The following CAPN7 variants were observed in gnomAD, a reference collection of about 807,000 sequenced individuals.
The protein encoded by CAPN7 is calpain 7, also known as calpain-7.
A neutral mutation model predicts 115.2 loss-of-function variants in CAPN7; 72 were observed. The ratio of observed to expected loss-of-function variants is 0.63; its 90% CI spans 0.52 to 0.76. The LOEUF (loss-of-function observed/expected upper bound fraction) is 0.76. Among genes scored for constraint, CAPN7 ranks in the 30% least tolerant of loss-of-function variants. CAPN7 has a pLI of 0.00. For synonymous variants in CAPN7, 344 were observed against 322.3 expected (o/e 1.07, Z -0.72); for missense variants, 905 against 971.5 (o/e 0.93, Z 0.91).
At position 15,209,985 on chromosome 3, in the gene CAPN7, G is replaced by A. The variant is rs150390893; in HGVS notation, c.103-2119G>A. ...AATGAGTAAAATAAAATTGACACCA[G>A]CAGTTTTTTAAATTGGCTTTATTTT... is the stretch of plus-strand genomic sequence containing the variant. On this transcript the variant is annotated intron_variant, in intron 1 of 20. Transcript: ENST00000253693. 1.6e-3 allele frequency among the ~76,000 whole-genome samples: 241 copies of A among 152,250 alleles called. 1 individual carries two copies. The highest frequency in any genetic ancestry group is 5.7e-3 in the African/African-American group (235 of 41,554).
At chr3:15,212,362 T>C in intron 2 of CAPN7, 150 bp downstream of exon 2, 1 of 530,248 alleles carries the variant, frequency 1.9e-6, no homozygotes, top group Non-Finnish European at 3.4e-6. Flanking sequence ...ATCACCTCTT[T>C]AAAAGTCATT....
chr3:15,211,154 G>T (rs957456145), intron 1 of CAPN7, among the ~76,000 whole-genome samples: 9 of 152,122 alleles, frequency 5.9e-5, no homozygotes, highest in African/African-American at 1.9e-4. Flanking sequence ...AGTATTTTCT[G>T]TGGAGAAAAC....
At chr3:15,230,970 T>C (rs1434595590) in intron 9 of CAPN7, among the ~76,000 whole-genome samples, 2 of 152,148 alleles carry the variant, frequency 1.3e-5, no homozygotes, top group African/African-American at 4.8e-5. Context: ...TTCACACAAA[T>C]TTCTTTAAGG....
At chr3:15,219,506 C>A (rs1693837363) in intron 4 of CAPN7, among the ~76,000 whole-genome samples, 1 of 152,146 alleles carries the variant, frequency 6.6e-6, no homozygotes, top group African/African-American at 2.4e-5. Context: ...CAGTTGTCTT[C>A]TCTATCTTGA....
In CAPN7 at chr3:15,218,531, C is replaced by T; in HGVS notation, c.428C>T (p.Ala143Val). Residue 143 changes from alanine (A) to valine (V), a missense_variant, in exon 4 of 21, where the codon GCA (alanine) becomes GTA (valine). Ala to Val is a moderately conservative substitution (Grantham distance 64). Transcript: ENST00000253693. ...QNKLKQLARQ[A>V]LDRAEALSEP... Reference sequence around the variant, plus strand: ...AAACTGAAACAGTTGGCTCGACAGGCACTAGACAGGTGAGTTTGATCTCTC... The same window carrying T: ...AAACTGAAACAGTTGGCTCGACAGGTACTAGACAGGTGAGTTTGATCTCTC... The T allele has an allele frequency of 6.2e-7, 1 of 1,612,028 alleles. No homozygotes were observed.
intron 15 of CAPN7, 86 bp downstream of exon 15, chr3:15,241,674 C>A: frequency 8.7e-7 from 1 of 1,147,540 alleles, no homozygotes; most frequent in Non-Finnish European, 1.2e-6. Context: ...AAACACCAGC[C>A]TGTTTAATTT....
intron 11 of CAPN7, among the ~76,000 whole-genome samples, 185 bp from the exon 12 acceptor site, chr3:15,234,840 A>G (rs1409654646): frequency 4.1e-5 from 6 of 144,650 alleles, no homozygotes; most frequent in Non-Finnish European, 8.8e-5. Context: ...CAGAAACTTA[A>G]AAAAAGAGAA....
chr3:15,216,783 T>G (rs1175542309), intron 2 of CAPN7, among the ~76,000 whole-genome samples: 1 of 152,208 alleles, frequency 6.6e-6, no homozygotes, highest in Non-Finnish European at 1.5e-5. Flanking sequence ...GGAGAATGCC[T>G]GTGTTTCAAT....
chr3:15,247,306 T>G (rs1695723179), intron 18 of CAPN7, 21 bp from the exon 19 acceptor site: 2 of 1,506,000 alleles, frequency 1.3e-6, no homozygotes. Flanking sequence ...TTGTTAATAC[T>G]AAAACTTTTG....
Position 15,220,913 on chromosome 3 carries a change from A to T in CAPN7, c.570A>T (p.Ser190=). 1 of 1,614,206 alleles carries T rather than the reference A, an allele frequency of 6.2e-7. No homozygotes were observed. The highest frequency in any genetic ancestry group is 8.5e-7 in the Non-Finnish European group (1 of 1,180,022). ...ATCCCTTCCTTGAAAGACCTCAGTC[A>T]TTTATAAGTCCTCAGTCATGTGATG... ...GANPFLERPQ[S]FISPQSCDAQ... The change falls in exon 5 of 21, where the codon TCA becomes TCT. Residue 190 remains serine (S), a synonymous_variant. Coordinates refer to ENST00000253693, the MANE Select transcript of CAPN7 (RefSeq NM_014296.3).
rs868037263 is a variant in CAPN7, at chr3:15,206,536, C to T, written c.41C>T (p.Ala14Val). 1 of 1,556,440 alleles carries T rather than the reference C, an allele frequency of 6.4e-7. No homozygotes were observed. The change falls in exon 1 of 21, where the codon GCC becomes GTC. Residue 14 changes from alanine (A) to valine (V), a missense_variant. Physicochemically the swap from Ala to Val is moderately conservative, Grantham distance 64 (BLOSUM62 0). Transcript: ENST00000253693. ...CTGGAGCGGGACGCTGTGCAGTTCG[C>T]CCGTCTGGCGGTTCAGCGCGACCAC... is the stretch of plus-strand genomic sequence containing the variant. ...TALERDAVQFARLAVQRDHEG... is the reference protein window; with the variant it reads ...TALERDAVQFVRLAVQRDHEG...
chr3:15,246,777 T>TGGTCTC lies in CAPN7; in HGVS notation c.2056_2057insGGTCTC (p.Tyr686delinsTrpSerHis). ...TACTTTTTCAAAGATTCCTTCACCA[T>TGGTCTC]ACACCTTATCAAAACGGGTGAGAAA... is the stretch of plus-strand genomic sequence containing the variant. On this transcript the variant is annotated protein_altering_variant, in exon 18 of 21. Transcript: ENST00000253693. 1 of 1,605,838 alleles carries TGGTCTC rather than the reference T, an allele frequency of 6.2e-7. No individual in the cohort carries two copies. Among genetic ancestry groups the TGGTCTC allele is most frequent in the Non-Finnish European group, 8.5e-7 (1 of 1,175,210 alleles).
At chr3:15,220,061 C>T (rs1297507962) in intron 4 of CAPN7, among the ~76,000 whole-genome samples, 2 of 152,048 alleles carry the variant, frequency 1.3e-5, no homozygotes, top group Non-Finnish European at 2.9e-5. Context: ...ATTAGCCAGG[C>T]GTGGTGGTAG....
rs776960950 is a variant in CAPN7, at chr3:15,228,933, A to G, written c.853-41A>G. 7.7e-6 allele frequency: 11 copies of G among 1,433,058 alleles called. No individual in the cohort carries two copies. In the Admixed American group the frequency reaches 1.7e-4, roughly 22 times the overall value. 88.8% of individuals were successfully genotyped at this position (1,433,058 alleles called of 1,614,324 possible). On this transcript the variant is annotated intron_variant, in intron 7 of 20. Coordinates refer to ENST00000253693, the MANE Select transcript of CAPN7 (RefSeq NM_014296.3). ...CGTATATTGCGGTAATGTTGAAATT[A>G]CGTGAATGAATATGAATATGTTAAT...
At chr3:15,212,240 C>T (rs1476061077) in intron 2 of CAPN7, 28 bp downstream of exon 2, 1 of 1,294,236 alleles carries the variant, frequency 7.7e-7, no homozygotes, top group African/African-American at 1.5e-5. Flanking sequence ...AAACTTGTCA[C>T]TCTATTTTTT....
intron 12 of CAPN7, 24 bp downstream of exon 12, chr3:15,235,169 T>G: frequency 6.4e-7 from 1 of 1,572,550 alleles, no homozygotes; most frequent in South Asian, 1.2e-5. Context: ...TCTTTTTCTT[T>G]TATTTTTCTT....
intron 16 of CAPN7, 107 bp from the exon 17 acceptor site, chr3:15,245,419 G>C: frequency 2.1e-6 from 2 of 959,284 alleles, no homozygotes; most frequent in Non-Finnish European, 1.6e-6. Context: ...TTTAAGGAGA[G>C]AATCAGTTAA....
Position 15,246,781 on chromosome 3 carries a change from C to T in CAPN7, c.2060C>T (p.Thr687Ile). 1.2e-6 allele frequency: 2 copies of T among 1,604,400 alleles called. No individual in the cohort carries two copies. The highest frequency in any genetic ancestry group is 1.7e-6 in the Non-Finnish European group (2 of 1,174,394). ...FTFSKIPSPY[T>I]LSKRINGKWS... ...TTTTCAAAGATTCCTTCACCATACA[C>T]CTTATCAAAACGGGTGAGAAAATTC... Residue 687 changes from threonine (T) to isoleucine (I), a missense_variant, in exon 18 of 21, where the codon ACC becomes ATC. By Grantham distance (89) the Thr-to-Ile change is moderately conservative. This residue lies in a region of CAPN7 where 620 missense variants were observed against 703.4 expected (regional missense o/e 0.88). Transcript: ENST00000253693.
chr3:15,251,278 A>G lies in CAPN7; in HGVS notation c.*18A>G, dbSNP rs982943283. On this transcript the variant is annotated 3_prime_UTR_variant, in exon 21 of 21. Transcript: ENST00000253693. ...TTCAGTGATGGAGAAATCTCAAGTT[A>G]CTGGCTTTTATACTTACCAAACATC... 3.2e-5 allele frequency: 51 copies of G among 1,570,898 alleles called. No homozygotes were observed. Among genetic ancestry groups the G allele is most frequent in the Non-Finnish European group, 4.4e-5 (51 of 1,163,348 alleles).
Sources: gnomAD v4.1 joint callset for allele counts (sites outside exome capture counted in the v4.1 genomes callset) on GRCh38, gnomAD v4.1.1 for gene constraint, gnomAD v4.1.1 regional missense constraint, MANE v1.5 for transcripts, NCBI Gene and HGNC (gene_info 2026-07-23, HGNC 2026-07-21) for gene names.